Variants in ERC2 observed in about 807,000 individuals in gnomAD.
ERC2 encodes ELKS/RAB6-interacting/CAST family member 2.
Under a neutral mutation model 114.8 loss-of-function variants are expected in ERC2, and 42 were observed. The ratio of observed to expected loss-of-function variants is 0.37; its 90% confidence interval spans 0.29 to 0.47. ERC2 has a LOEUF of 0.47. Among genes scored for constraint, ERC2 ranks in the 20% least tolerant of loss-of-function variants. The probability of loss-of-function intolerance (pLI) is 0.99; values close to 1 mark genes in which losing one functional copy is unlikely to be tolerated. For missense variants in ERC2, 939 were observed against 1,150.7 expected, an observed-to-expected ratio of 0.82 and a Z score of 2.66; for synonymous variants, 454 against 425.5, an observed-to-expected ratio of 1.07 and a Z score of -0.82.
chr3:56,403,751 T>A (rs1431183395), intron 2 of ERC2, among the ~76,000 whole-genome samples: 2 of 152,210 alleles, frequency 1.3e-5, no homozygotes, highest in Non-Finnish European at 2.9e-5. Context: ...AAGTCCATAT[T>A]TCTCCAGACT....
chr3:56,243,998 G>A (rs2051502859), intron 3 of ERC2, among the ~76,000 whole-genome samples: 1 of 152,164 alleles, frequency 6.6e-6, no homozygotes, highest in Non-Finnish European at 1.5e-5. Flanking sequence ...CGCCTGGGAT[G>A]CCTCGCCAAA....
chr3:55,562,984 G>A (rs2056127377), intron 17 of ERC2, among the ~76,000 whole-genome samples: 1 of 152,050 alleles, frequency 6.6e-6, no homozygotes, highest in African/African-American at 2.4e-5. Flanking sequence ...ATATAAGTTT[G>A]GCATATATTG....
chr3:55,945,903 A>G (rs1436241389), intron 13 of ERC2, among the ~76,000 whole-genome samples: 1 of 152,274 alleles, frequency 6.6e-6, no homozygotes, highest in East Asian at 1.9e-4. Flanking sequence ...CTGCAGACAT[A>G]TAACAGAAAA....
intron 2 of ERC2, among the ~76,000 whole-genome samples, chr3:56,403,582 T>C (rs1408987621): frequency 2.6e-5 from 4 of 152,206 alleles, no homozygotes; most frequent in African/African-American, 9.6e-5. Context: ...TAAAAACTTC[T>C]TAGAAATAAA....
At chr3:55,856,595 T>C (rs981810027) in intron 14 of ERC2, among the ~76,000 whole-genome samples, 13 of 152,102 alleles carry the variant, frequency 8.5e-5, no homozygotes, top group African/African-American at 2.7e-4. Context: ...TACATACACA[T>C]ACAATATAAT....
intron 3 of ERC2, among the ~76,000 whole-genome samples, chr3:56,291,559 T>C (rs549821043): frequency 6.6e-6 from 1 of 152,272 alleles, no homozygotes; most frequent in South Asian, 2.1e-4. Flanking sequence ...ATGGGGTTTA[T>C]GTGAGGTCCA....
intron 15 of ERC2, among the ~76,000 whole-genome samples, chr3:55,702,363 G>A (rs2063268371): frequency 6.6e-6 from 1 of 152,166 alleles, no homozygotes; most frequent in Non-Finnish European, 1.5e-5. Flanking sequence ...GTGAAACAGA[G>A]ATGAAAAATG....
At chr3:55,511,357 C>T (rs1171148274) in intron 17 of ERC2, 81 bp from the exon 18 acceptor site, 1 of 152,544 alleles carries the variant, frequency 6.6e-6, no homozygotes, top group Non-Finnish European at 1.5e-5. Flanking sequence ...ACGTTTCCCA[C>T]TCTTCACCCC....
intron 14 of ERC2, among the ~76,000 whole-genome samples, chr3:55,878,397 C>A (rs1230267917): frequency 2.6e-5 from 4 of 152,148 alleles, no homozygotes; most frequent in Non-Finnish European, 5.9e-5. Context: ...CTCAGGCCCC[C>A]TTCCTCCCAC....
chr3:55,557,003 C>A (rs1475205900), intron 17 of ERC2, among the ~76,000 whole-genome samples: 1 of 152,146 alleles, frequency 6.6e-6, no homozygotes, highest in South Asian at 2.1e-4. Flanking sequence ...CACACATAGA[C>A]CCAGAGTTTA....
chr3:56,044,589 A>G (rs1184370516), intron 7 of ERC2, among the ~76,000 whole-genome samples: 1 of 152,122 alleles, frequency 6.6e-6, no homozygotes, highest in African/African-American at 2.4e-5. Flanking sequence ...TCAAGAAACT[A>G]TTTTCCAACT....
chr3:56,335,234 C>T (rs1000285288), intron 2 of ERC2, among the ~76,000 whole-genome samples: 1 of 152,208 alleles, frequency 6.6e-6, no homozygotes, highest in African/African-American at 2.4e-5. Context: ...TTCTATTCAA[C>T]TATATGACGT....
chr3:56,010,350 C>T (rs1317983200), intron 9 of ERC2, 99 bp downstream of exon 9: 1 of 1,388,142 alleles, frequency 7.2e-7, no homozygotes, highest in Non-Finnish European at 9.8e-7. Flanking sequence ...CCCAAGCCTT[C>T]ATACAGTGCC....
chr3:56,436,520 AT>A (rs2062025911), intron 1 of ERC2, among the ~76,000 whole-genome samples: 1 of 151,946 alleles, frequency 6.6e-6, no homozygotes, highest in Non-Finnish European at 1.5e-5. Flanking sequence ...TACTGTCACT[AT>A]TTTCCTTAGA....
chr3:56,248,063 C>T (rs2051843628), intron 3 of ERC2, among the ~76,000 whole-genome samples: 1 of 152,032 alleles, frequency 6.6e-6, no homozygotes, highest in Admixed American at 6.6e-5. Flanking sequence ...TTTTTTCATT[C>T]CTACCAATTC....
chr3:56,317,825 A>G (rs2056940674), intron 2 of ERC2, among the ~76,000 whole-genome samples: 1 of 152,232 alleles, frequency 6.6e-6, no homozygotes, highest in South Asian at 2.1e-4. Context: ...AGAGGTAGAA[A>G]GTCAAATGGG....
At chr3:55,603,189 G>C (rs952250172) in intron 17 of ERC2, among the ~76,000 whole-genome samples, 1 of 152,102 alleles carries the variant, frequency 6.6e-6, no homozygotes, top group Non-Finnish European at 1.5e-5. Flanking sequence ...GCTTCCTAAT[G>C]AGCAAATAAT....
intron 2 of ERC2, among the ~76,000 whole-genome samples, chr3:56,301,283 A>C (rs753059157): frequency 6.6e-6 from 1 of 152,146 alleles, no homozygotes; most frequent in Non-Finnish European, 1.5e-5. Flanking sequence ...ATTTTCTCAA[A>C]TTCATGTTTA....
chr3:55,990,505 G>A (rs2070978299), intron 11 of ERC2, among the ~76,000 whole-genome samples: 1 of 151,978 alleles, frequency 6.6e-6, no homozygotes, highest in African/African-American at 2.4e-5. Context: ...ATTTACTGCA[G>A]CCTTGAACTC....
Sources: gnomAD v4.1 joint callset for allele counts (sites outside exome capture counted in the v4.1 genomes callset) on GRCh38, gnomAD v4.1.1 for gene constraint, MANE v1.5 for transcripts, NCBI Gene and HGNC (gene_info 2026-07-23, HGNC 2026-07-21) for gene names.